BTBD9: variants seen among roughly 807,000 people sequenced by gnomAD.
BTBD9 encodes the protein BTB domain containing 9, also known as BTB/POZ domain-containing protein 9.
BTBD9 carries 49 observed loss-of-function variants against 64.3 expected under a neutral mutation model. The ratio of observed to expected loss-of-function variants is 0.76; its 90% confidence interval spans 0.61 to 0.97. The LOEUF is 0.97. Ranked by LOEUF, BTBD9 falls within the 50% of genes least tolerant of loss-of-function variation. The pLI is 0.00. For synonymous variants in BTBD9, 260 were observed against 274.7 expected (o/e 0.95, Z 0.53); for missense variants, 598 against 762.1 (o/e 0.78, Z 2.53).
chr6:38,597,184 G>A (rs908070525), intron 2 of BTBD9, among the ~76,000 whole-genome samples: 6 of 152,106 alleles, frequency 3.9e-5, no homozygotes, highest in African/African-American at 1.4e-4. Context: ...ATAAAAGCCA[G>A]ACACTGCAGT....
chr6:38,600,745 G>A (rs772668658), intron 1 of BTBD9, among the ~76,000 whole-genome samples: 53 of 151,786 alleles, frequency 3.5e-4, no homozygotes, highest in Non-Finnish European at 7.4e-4. Flanking sequence ...ATTGATTTTT[G>A]GTTAACCAGC....
intron 9 of BTBD9, among the ~76,000 whole-genome samples, chr6:38,220,664 G>T (rs554136996): frequency 3.5e-4 from 54 of 152,318 alleles, no homozygotes; most frequent in African/African-American, 1.3e-3. Context: ...CTGTTAGTGT[G>T]GAAATATATT....
At chr6:38,313,915 A>G (rs1165128855) in intron 7 of BTBD9, among the ~76,000 whole-genome samples, 2 of 151,256 alleles carry the variant, frequency 1.3e-5, no homozygotes, top group East Asian at 3.9e-4. Flanking sequence ...ACATCCGGCT[A>G]ATTTTTGTAT....
chr6:38,583,148 G>A (rs1776368951), intron 4 of BTBD9, among the ~76,000 whole-genome samples: 1 of 152,206 alleles, frequency 6.6e-6, no homozygotes, highest in East Asian at 1.9e-4. Flanking sequence ...GAGGTGCAAA[G>A]TCTGTTGCTG....
At chr6:38,412,760 G>T (rs192312911) in intron 6 of BTBD9, among the ~76,000 whole-genome samples, 88 of 152,246 alleles carry the variant, frequency 5.8e-4, no homozygotes, top group African/African-American at 1.6e-3. Context: ...TCAGGAGGCT[G>T]AGGCTGGAGA....
intron 2 of BTBD9, among the ~76,000 whole-genome samples, chr6:38,595,408 G>C (rs1189570857): frequency 6.6e-6 from 1 of 152,024 alleles, no homozygotes; most frequent in African/African-American, 2.4e-5. Flanking sequence ...CTAAAAAAAT[G>C]AAAACTAGAC....
At chr6:38,422,293 AACTCCT>A (rs1356554084) in intron 6 of BTBD9, among the ~76,000 whole-genome samples, 1 of 152,192 alleles carries the variant, frequency 6.6e-6, no homozygotes, top group Non-Finnish European at 1.5e-5. Flanking sequence ...CTGTAAAATG[AACTCCT>A]ACCCAGCATC....
intron 1 of BTBD9, among the ~76,000 whole-genome samples, chr6:38,613,576 C>T (rs563309621): frequency 6.6e-6 from 1 of 152,198 alleles, no homozygotes; most frequent in East Asian, 1.9e-4. Flanking sequence ...CACACTCCAA[C>T]CTGGGCGACA....
Position 38,170,024 on chromosome 6 carries a change from G to A in BTBD9, c.*4961C>T, listed in dbSNP as rs1766690544. ...AGGGTGCTGGGTGGGTTGGAGGCTGGGCCAGGGAGCACCGTGACCAGTGGT... is the reference window on the plus strand; with the variant it reads ...AGGGTGCTGGGTGGGTTGGAGGCTGAGCCAGGGAGCACCGTGACCAGTGGT... On this transcript the variant is annotated 3_prime_UTR_variant, in exon 11 of 11. Coordinates refer to ENST00000481247, the MANE Select transcript of BTBD9 (RefSeq NM_001099272.2). 1.3e-5 allele frequency: 2 copies of A among 152,318 alleles called. No individual in the cohort carries two copies. Among genetic ancestry groups the A allele is most frequent in the Non-Finnish European group, 2.9e-5 (2 of 68,138 alleles). 9.4% of individuals were successfully genotyped at this position (152,318 alleles called of 1,614,324 possible).
intron 6 of BTBD9, among the ~76,000 whole-genome samples, chr6:38,367,799 C>CAA (rs575025737): frequency 0.011 from 917 of 84,044 alleles, 32 homozygotes; most frequent in African/African-American, 0.021. Context: ...CCAGAAATGG[C>CAA]AAAAAAAAAA....
intron 8 of BTBD9, among the ~76,000 whole-genome samples, chr6:38,262,418 A>G (rs1332530500): frequency 6.6e-6 from 1 of 151,658 alleles, no homozygotes; most frequent in Non-Finnish European, 1.5e-5. Context: ...TGTCTCCTCC[A>G]TCTTCCCTTA....
intron 6 of BTBD9, among the ~76,000 whole-genome samples, chr6:38,570,196 T>C (rs964316015): frequency 3.4e-5 from 5 of 147,298 alleles, no homozygotes; most frequent in Non-Finnish European, 7.6e-5. Flanking sequence ...CCAGCACTAG[T>C]AGAATTTGGC....
At chr6:38,380,730 A>G (rs998138212) in intron 6 of BTBD9, among the ~76,000 whole-genome samples, 3 of 152,282 alleles carry the variant, frequency 2.0e-5, no homozygotes, top group Admixed American at 6.5e-5. Context: ...CTGTAGTCCC[A>G]GCTATTCAGA....
chr6:38,209,235 G>A (rs1156781396), intron 9 of BTBD9, among the ~76,000 whole-genome samples: 1 of 152,164 alleles, frequency 6.6e-6, no homozygotes, highest in Non-Finnish European at 1.5e-5. Context: ...TCTGGTCCAA[G>A]GAGGTGGCCG....
At chr6:38,611,396 T>C (rs1026744036) in intron 1 of BTBD9, among the ~76,000 whole-genome samples, 11 of 152,096 alleles carry the variant, frequency 7.2e-5, no homozygotes, top group African/African-American at 2.4e-4. Flanking sequence ...ATTTAAACAG[T>C]GGAAATTACT....
chr6:38,370,482 A>C (rs1765373960), intron 6 of BTBD9, among the ~76,000 whole-genome samples: 2 of 152,256 alleles, frequency 1.3e-5, no homozygotes, highest in African/African-American at 4.8e-5. Flanking sequence ...ATTTTAAAGA[A>C]TCAATAGAAC....
chr6:38,415,635 T>C (rs976845424), intron 6 of BTBD9, among the ~76,000 whole-genome samples: 1 of 152,230 alleles, frequency 6.6e-6, no homozygotes, highest in African/African-American at 2.4e-5. Flanking sequence ...AGTTATCCTC[T>C]ACTTCTATTC....
At chr6:38,379,057 G>T (rs76496210) in intron 6 of BTBD9, among the ~76,000 whole-genome samples, 4,521 of 151,980 alleles carry the variant, frequency 0.03, 120 homozygotes, top group Non-Finnish European at 0.049. Flanking sequence ...AATTTTCCAG[G>T]CATACCAAGA....
chr6:38,227,394 T>C (rs939416819), intron 9 of BTBD9, among the ~76,000 whole-genome samples: 27 of 152,180 alleles, frequency 1.8e-4, no homozygotes, highest in African/African-American at 5.8e-4. Context: ...CCAAAGATGC[T>C]TGAAGGCCTA....
Sources: gnomAD v4.1 joint callset for allele counts (sites outside exome capture counted in the v4.1 genomes callset) on GRCh38, gnomAD v4.1.1 for gene constraint, MANE v1.5 for transcripts, NCBI Gene and HGNC (gene_info 2026-07-23, HGNC 2026-07-21) for gene names.